The following THRB variants were observed in gnomAD, a reference collection of about 807,000 sequenced individuals.
THRB encodes nuclear receptor subfamily 1 group A member 2.
THRB carries 12 observed loss-of-function variants against 47.8 expected under a neutral mutation model. The observed-to-expected ratio is 0.25, with a 90% CI of 0.16 to 0.41. The LOEUF is 0.41. Among genes scored for constraint, THRB ranks in the 10% least tolerant of loss-of-function variants. The probability of loss-of-function intolerance (pLI) is 1.00; values close to 1 mark genes in which losing one functional copy is unlikely to be tolerated. For missense variants in THRB, 348 were observed against 589.2 expected (o/e 0.59, Z 4.24); for synonymous variants, 218 against 212.2 (o/e 1.03, Z -0.24).
intron 7 of THRB, chr3:24,144,141 TAAAGAAACGTTATGGAATTAAAA>T (rs1446346677): frequency 5.2e-6 from 1 of 193,112 alleles, no homozygotes; most frequent in African/African-American, 2.3e-5. Context: ...AACTTCAGGT[TAAAGAAACGTTATGGAATTAAAA>T]AAAGAAACGT....
At chr3:24,468,800 A>C (rs1345125551) in intron 1 of THRB, among the ~76,000 whole-genome samples, 1 of 152,254 alleles carries the variant, frequency 6.6e-6, no homozygotes, top group Non-Finnish European at 1.5e-5. Context: ...AAAATACGAC[A>C]CAGATAAGTG....
At chr3:24,203,786 G>A (rs975518238) in intron 4 of THRB, among the ~76,000 whole-genome samples, 2 of 152,216 alleles carry the variant, frequency 1.3e-5, no homozygotes, top group African/African-American at 4.8e-5. Flanking sequence ...ACGGCACCTG[G>A]AAAATCAGAT....
At position 24,122,731 on chromosome 3, in the gene THRB, G is replaced by T. The variant is rs2031916708; in HGVS notation, c.*153C>A. 4.8e-6 allele frequency: 5 copies of T among 1,034,462 alleles called. No individual in the cohort carries two copies. The highest frequency in any genetic ancestry group is 1.6e-5 in the African/African-American group (1 of 62,798). 64.1% of individuals were successfully genotyped at this position (1,034,462 alleles called of 1,614,324 possible). A position where few individuals can be genotyped will look rare whatever the true frequency, so the allele number is the denominator to read the frequency against. Reference sequence around the variant, plus strand: ...AGTTTCAAGTACCCGCATTCAAGGGGCAATTTCATCCATGTCTATGCCAAG... The same window carrying T: ...AGTTTCAAGTACCCGCATTCAAGGGTCAATTTCATCCATGTCTATGCCAAG... On this transcript the variant is annotated 3_prime_UTR_variant, in exon 11 of 11. Coordinates refer to ENST00000646209, the MANE Select transcript of THRB (RefSeq NM_001354712.2).
At chr3:24,344,105 CTG>C (rs2062853324) in intron 1 of THRB, among the ~76,000 whole-genome samples, 1 of 151,688 alleles carries the variant, frequency 6.6e-6, no homozygotes, top group South Asian at 2.1e-4. Context: ...GGAGGGAAAA[CTG>C]TATTTACATG....
chr3:24,480,825 C>A (rs1405298381), intron 1 of THRB, among the ~76,000 whole-genome samples: 2 of 152,192 alleles, frequency 1.3e-5, no homozygotes, highest in Non-Finnish European at 2.9e-5. Context: ...TGCTAAAAAT[C>A]TTAAGAAATA....
At chr3:24,341,864 G>A (rs1239887802) in intron 1 of THRB, among the ~76,000 whole-genome samples, 1 of 152,076 alleles carries the variant, frequency 6.6e-6, no homozygotes, top group Non-Finnish European at 1.5e-5. Flanking sequence ...CACATCAGTT[G>A]TCTCCACCAA....
At chr3:24,395,723 C>T (rs2066907875) in intron 1 of THRB, among the ~76,000 whole-genome samples, 1 of 152,086 alleles carries the variant, frequency 6.6e-6, no homozygotes, top group Non-Finnish European at 1.5e-5. Context: ...AATAGTTAAA[C>T]ATAAAGCTAC....
intron 1 of THRB, among the ~76,000 whole-genome samples, chr3:24,488,251 C>T (rs1363596015): frequency 6.6e-6 from 1 of 152,142 alleles, no homozygotes; most frequent in Non-Finnish European, 1.5e-5. Flanking sequence ...GAAGAGAAGC[C>T]ATGACTCCCT....
chr3:24,261,221 G>A (rs573740431), intron 3 of THRB, among the ~76,000 whole-genome samples: 5 of 112,600 alleles, frequency 4.4e-5, no homozygotes, highest in South Asian at 2.3e-4. Flanking sequence ...TACATCTCTC[G>A]GCCAGGCGCA....
chr3:24,463,435 T>C (rs2073868165), intron 1 of THRB, among the ~76,000 whole-genome samples: 1 of 152,076 alleles, frequency 6.6e-6, no homozygotes, highest in Non-Finnish European at 1.5e-5. Context: ...TTTATTGTTA[T>C]TATTACTATT....
intron 1 of THRB, among the ~76,000 whole-genome samples, chr3:24,380,287 G>C (rs2065603832): frequency 6.6e-6 from 1 of 151,372 alleles, no homozygotes; most frequent in South Asian, 2.1e-4. Context: ...TCAAATCCAG[G>C]CTTTATACTG....
chr3:24,405,435 C>T (rs1237282558), intron 1 of THRB, among the ~76,000 whole-genome samples: 7 of 151,860 alleles, frequency 4.6e-5, no homozygotes, highest in African/African-American at 1.7e-4. Context: ...AAAGTATTAA[C>T]TATTTGCCCT....
At chr3:24,378,008 A>G (rs1323018030) in intron 1 of THRB, among the ~76,000 whole-genome samples, 2 of 152,166 alleles carry the variant, frequency 1.3e-5, no homozygotes, top group African/African-American at 2.4e-5. Flanking sequence ...CAATGTCCCA[A>G]TTTGCTGATT....
chr3:24,365,920 G>A (rs1197975163), intron 1 of THRB, among the ~76,000 whole-genome samples: 1 of 152,108 alleles, frequency 6.6e-6, no homozygotes. Context: ...GAAAATTCAA[G>A]TAACTTCTAT....
intron 1 of THRB, among the ~76,000 whole-genome samples, chr3:24,453,753 A>G (rs1290814926): frequency 6.6e-6 from 1 of 152,164 alleles, no homozygotes; most frequent in East Asian, 1.9e-4. Context: ...CCCTCTTCCC[A>G]GACTTTGTCT....
chr3:24,220,724 A>G (rs894012330), intron 4 of THRB, among the ~76,000 whole-genome samples: 2 of 152,058 alleles, frequency 1.3e-5, no homozygotes. Flanking sequence ...TAAAAAGGAG[A>G]AGAAAGAATG....
intron 7 of THRB, 146 bp downstream of exon 7, chr3:24,146,529 G>C: frequency 1.2e-6 from 1 of 838,246 alleles, no homozygotes; most frequent in South Asian, 1.6e-5. Context: ...CTGGATGTGG[G>C]GAGTGAGGGG....
intron 5 of THRB, among the ~76,000 whole-genome samples, chr3:24,154,530 C>A (rs1451380874): frequency 1.3e-5 from 2 of 152,142 alleles, no homozygotes; most frequent in Non-Finnish European, 2.9e-5. Context: ...AACATCATTG[C>A]AGGGAAATGC....
chr3:24,358,597 C>T (rs2063851658), intron 1 of THRB, among the ~76,000 whole-genome samples: 1 of 152,118 alleles, frequency 6.6e-6, no homozygotes, highest in African/African-American at 2.4e-5. Context: ...TTACACTATA[C>T]TTTCCAGTCC....
Sources: allele counts gnomAD v4.1 joint callset (sites outside exome capture counted in the v4.1 genomes callset), GRCh38; gene constraint gnomAD v4.1.1; transcripts MANE v1.5; gene names NCBI Gene and HGNC (gene_info 2026-07-23, HGNC 2026-07-21).